Variants in NUFIP1 observed in about 807,000 individuals in gnomAD.
NUFIP1 encodes the protein FMR1-interacting protein NUFIP1.
In NUFIP1, 38 loss-of-function variants were observed where a neutral mutation model predicts 56.2. The ratio of observed to expected loss-of-function variants is 0.68; its 90% CI spans 0.52 to 0.89. The LOEUF is 0.89. NUFIP1 is among the 40% of genes least tolerant of loss of function. The probability of loss-of-function intolerance (pLI) is 0.00; values close to 1 mark genes in which losing one functional copy is unlikely to be tolerated. For missense variants in NUFIP1, 567 were observed against 605.8 expected (o/e 0.94, Z 0.67); for synonymous variants, 215 against 212.4 (o/e 1.01, Z -0.10).
intron 5 of NUFIP1, among the ~76,000 whole-genome samples, chr13:44,967,719 G>A (rs1871656709): frequency 6.6e-6 from 1 of 152,168 alleles, no homozygotes; most frequent in South Asian, 2.1e-4. Context: ...CAGTGATTAA[G>A]ATGAAATCTG....
intron 8 of NUFIP1, among the ~76,000 whole-genome samples, chr13:44,948,185 C>T (rs868068831): frequency 1.1e-4 from 16 of 149,360 alleles, no homozygotes; most frequent in South Asian, 2.1e-4. Context: ...CACTGTCACC[C>T]GGGCTGGAGT....
intron 5 of NUFIP1, among the ~76,000 whole-genome samples, chr13:44,972,832 G>A (rs1871851735): frequency 6.6e-6 from 1 of 152,286 alleles, no homozygotes. Context: ...ACACTACAGT[G>A]AGAACCTTAA....
chr13:44,975,384 T>C (rs558276580), intron 5 of NUFIP1, among the ~76,000 whole-genome samples: 37 of 152,298 alleles, frequency 2.4e-4, no homozygotes, highest in African/African-American at 8.7e-4. Context: ...CCTCTTCCAG[T>C]GTTCCCCACC....
Position 44,989,036 on chromosome 13 carries a change from A to C in NUFIP1, c.401T>G (p.Phe134Cys). ...GAAAAATAGCCTACCTGCAGGGTTG[A>C]AGGACTTCTGATGCCGAGGAAACCT... ...SDRFPRHQKS[F>C]NPAVKNSYYP... is the part of the protein sequence containing the mutation. The change falls in exon 1 of 10, where the codon TTC becomes TGC. Residue 134 changes from phenylalanine (F) to cysteine (C), a missense_variant. Physicochemically the swap from Phe to Cys is radical, Grantham distance 205. Coordinates refer to ENST00000379161, the MANE Select transcript of NUFIP1 (RefSeq NM_012345.3). 1.2e-6 allele frequency: 2 copies of C among 1,613,988 alleles called. No individual in the cohort carries two copies. The highest frequency in any genetic ancestry group is 4.5e-5 in the East Asian group (2 of 44,882).
Position 44,965,943 on chromosome 13 carries a change from A to G in NUFIP1, c.735-7T>C, listed in dbSNP as rs1871584924. ...GGCCAGAGTTGGATAGTTTCTAGAA[A>G]ATAATAAAAGTTAATTATAATAGGG... On this transcript the variant is annotated splice_region_variant and splice_polypyrimidine_tract_variant and intron_variant, in intron 5 of 9. Coordinates refer to ENST00000379161, the MANE Select transcript of NUFIP1 (RefSeq NM_012345.3). The G allele has an allele frequency of 6.6e-7, 1 of 1,507,238 alleles. No individual in the cohort carries two copies. Among genetic ancestry groups the G allele is most frequent in the Non-Finnish European group, 9.0e-7 (1 of 1,114,880 alleles). The allele number at this position is 1,507,238 out of a possible 1,614,324, so 93.4% of individuals were successfully genotyped here.
At chr13:44,972,318 T>C (rs1472202847) in intron 5 of NUFIP1, among the ~76,000 whole-genome samples, 8 of 152,164 alleles carry the variant, frequency 5.3e-5, no homozygotes, top group Non-Finnish European at 1.2e-4. Context: ...AGAGTAATAC[T>C]CGGCAATAAA....
At position 44,939,421 on chromosome 13, in the gene NUFIP1, CTGAT is replaced by C. The variant is rs1448001464; in HGVS notation, c.*1781_*1784del. 1.3e-5 allele frequency: 2 copies of C among 152,126 alleles called. No individual in the cohort carries two copies. Among genetic ancestry groups the C allele is most frequent in the African/African-American group, 4.8e-5 (2 of 41,426 alleles). 9.4% of individuals were successfully genotyped at this position (152,126 alleles called of 1,614,324 possible). On this transcript the variant is annotated 3_prime_UTR_variant, in exon 10 of 10. Transcript: ENST00000379161. ...TCATGTAATGCTTACATTTCAGAAA[CTGAT>C]TAAACGAACAATAAGATAGGAATGT...
At chr13:44,962,981 A>AT (rs1309944574) in intron 6 of NUFIP1, among the ~76,000 whole-genome samples, 6 of 152,182 alleles carry the variant, frequency 3.9e-5, no homozygotes, top group Non-Finnish European at 7.3e-5. Flanking sequence ...TATGATATTC[A>AT]TAACGACAAA....
At chr13:44,973,494 A>T (rs1175816627) in intron 5 of NUFIP1, among the ~76,000 whole-genome samples, 3 of 152,228 alleles carry the variant, frequency 2.0e-5, no homozygotes, top group Non-Finnish European at 2.9e-5. Context: ...AATATCTTCA[A>T]GCACCATTTA....
At chr13:44,964,255 T>C (rs940274794) in intron 6 of NUFIP1, among the ~76,000 whole-genome samples, 5 of 152,016 alleles carry the variant, frequency 3.3e-5, no homozygotes, top group African/African-American at 1.2e-4. Context: ...TTCATGAAAA[T>C]TGAAATTTTT....
chr13:44,966,657 G>A (rs894712087), intron 5 of NUFIP1, among the ~76,000 whole-genome samples: 2 of 152,072 alleles, frequency 1.3e-5, no homozygotes, highest in Admixed American at 6.5e-5. Flanking sequence ...TAGGTATATC[G>A]AAGTTACCAA....
At chr13:44,959,283 A>G in intron 7 of NUFIP1, 98 bp downstream of exon 7, 1 of 1,098,082 alleles carries the variant, frequency 9.1e-7, no homozygotes, top group South Asian at 1.4e-5. Context: ...ATTGTTATAC[A>G]TTTGATATTA....
chr13:44,954,577 C>T lies in NUFIP1; in HGVS notation c.1022-4739G>A, dbSNP rs187739887. 7.9e-5 allele frequency among the ~76,000 whole-genome samples: 12 copies of T among 152,272 alleles called. No individual in the cohort carries two copies. The East Asian group carries it at 1.9e-3, about 24-fold the overall frequency. On this transcript the variant is annotated intron_variant, in intron 7 of 9. Transcript: ENST00000379161. ...ACTGTAAAAGCTTCCTATCTGGCTT[C>T]TTCCTGTAACTTATTTCTTTACTTA...
rs770175679 is a variant in NUFIP1, at chr13:44,989,394, G to C, written c.43C>G (p.His15Asp). 2.3e-5 allele frequency: 37 copies of C among 1,613,530 alleles called. No homozygotes were observed. The African/African-American group carries it at 4.7e-4, about 20-fold the overall frequency. ...TSDFETPIGW[H>D]ASPELTPTLG... ...GTGGGAGTCAGCTCGGGAGACGCAT[G>C]CCACCCGATAGGAGTCTCGAAATCA... Residue 15 changes from histidine to aspartate, a missense_variant, in exon 1 of 10, where the codon CAT becomes GAT. Physicochemically the swap from His to Asp is moderately conservative, Grantham distance 81 (BLOSUM62 -1). Transcript: ENST00000379161.
At chr13:44,945,484 A>G (rs541509727) in intron 8 of NUFIP1, among the ~76,000 whole-genome samples, 3 of 152,056 alleles carry the variant, frequency 2.0e-5, no homozygotes, top group Admixed American at 2.0e-4. Context: ...AAGAGGAGGA[A>G]ATAGATCCCT....
intron 7 of NUFIP1, among the ~76,000 whole-genome samples, chr13:44,957,683 T>C (rs1871289529): frequency 6.6e-6 from 1 of 152,100 alleles, no homozygotes; most frequent in Admixed American, 6.5e-5. Flanking sequence ...CAGATTAGTA[T>C]ATACTGAAAT....
At chr13:44,977,817 G>C (rs1017240705) in intron 5 of NUFIP1, among the ~76,000 whole-genome samples, 2 of 152,230 alleles carry the variant, frequency 1.3e-5, no homozygotes, top group African/African-American at 4.8e-5. Flanking sequence ...GGGAGGCTGA[G>C]ACAGGTAGAT....
intron 8 of NUFIP1, among the ~76,000 whole-genome samples, chr13:44,949,095 G>A (rs999673825): frequency 6.6e-6 from 1 of 152,014 alleles, no homozygotes; most frequent in African/African-American, 2.4e-5. Flanking sequence ...GTTCTTCAGA[G>A]CAGAGAGAAA....
At chr13:44,944,302 A>T (rs1308446448) in intron 8 of NUFIP1, among the ~76,000 whole-genome samples, 13 of 152,152 alleles carry the variant, frequency 8.5e-5, no homozygotes, top group Admixed American at 8.5e-4. Context: ...ATGAACGCCG[A>T]AAGTCTGTAT....
Sources: gnomAD v4.1 joint callset for allele counts (sites outside exome capture counted in the v4.1 genomes callset) on GRCh38, gnomAD v4.1.1 for gene constraint, MANE v1.5 for transcripts, NCBI Gene and HGNC (gene_info 2026-07-23, HGNC 2026-07-21) for gene names.